The following PHF21A variants were observed in gnomAD, a reference collection of about 807,000 sequenced individuals.
The protein encoded by PHF21A is BHC80a.
In PHF21A, 11 loss-of-function variants were observed where a neutral mutation model predicts 82.5. That is an observed-to-expected ratio of 0.13 (90% CI 0.08 to 0.22). The LOEUF (loss-of-function observed/expected upper bound fraction) is 0.22, where lower values mean the gene tolerates loss of function less well. Ranked by LOEUF, PHF21A falls within the 10% of genes least tolerant of loss-of-function variation. The pLI is 1.00. For missense variants in PHF21A, 579 were observed against 837.8 expected (o/e 0.69, Z 3.81); for synonymous variants, 297 against 302.8 (o/e 0.98, Z 0.20).
At chr11:45,975,875 C>T (rs2093999544) in intron 7 of PHF21A, among the ~76,000 whole-genome samples, 1 of 152,092 alleles carries the variant, frequency 6.6e-6, no homozygotes, top group Admixed American at 6.5e-5. Context: ...TCCCCCTGGC[C>T]CCCCGATTGC....
chr11:46,023,268 T>C (rs757328685), intron 6 of PHF21A, among the ~76,000 whole-genome samples: 3 of 152,248 alleles, frequency 2.0e-5, no homozygotes, highest in Non-Finnish European at 4.4e-5. Context: ...GGCCGGGATC[T>C]GGCAGAGAGA....
chr11:46,030,830 C>CGTGTGTGTGTGCGTGTGTGTGCGTGT (rs2095850928), intron 6 of PHF21A, among the ~76,000 whole-genome samples: 1 of 142,212 alleles, frequency 7.0e-6, no homozygotes, highest in African/African-American at 2.6e-5. Context: ...CGTGTGTGTG[C>CGTGTGTGTGTGCGTGTGTGTGCGTGT]GTGTGTGTGT....
intron 3 of PHF21A, among the ~76,000 whole-genome samples, chr11:46,088,408 TAACAACAAC>T (rs3061959): frequency 3.3e-5 from 5 of 150,838 alleles, no homozygotes; most frequent in East Asian, 3.9e-4. Flanking sequence ...AACTTTCCAA[TAACAACAAC>T]AACAACAACA....
chr11:46,058,170 TG>T (rs2096486616), intron 6 of PHF21A, among the ~76,000 whole-genome samples: 1 of 152,056 alleles, frequency 6.6e-6, no homozygotes, highest in Non-Finnish European at 1.5e-5. Flanking sequence ...TGCCTTACCA[TG>T]GGGGTAAGAG....
intron 6 of PHF21A, among the ~76,000 whole-genome samples, chr11:46,067,355 T>C (rs2096606430): frequency 6.6e-6 from 1 of 152,024 alleles, no homozygotes; most frequent in South Asian, 2.1e-4. Context: ...AGTGAGAAAA[T>C]GAAGGGTTTT....
At chr11:45,969,682 CAACA>C (rs2093643269) in intron 9 of PHF21A, 129 bp downstream of exon 9, 6 of 631,518 alleles carry the variant, frequency 9.5e-6, no homozygotes, top group Non-Finnish European at 1.7e-5. Context: ...GTACAGAAAT[CAACA>C]GTCAGAATGT....
At chr11:46,071,179 C>T (rs2096652946) in intron 6 of PHF21A, among the ~76,000 whole-genome samples, 2 of 152,188 alleles carry the variant, frequency 1.3e-5, no homozygotes, top group African/African-American at 4.8e-5. Context: ...GTTAACAAAC[C>T]TGATGCCAGC....
At chr11:46,016,921 G>A (rs573674039) in intron 6 of PHF21A, among the ~76,000 whole-genome samples, 29 of 151,718 alleles carry the variant, frequency 1.9e-4, no homozygotes, top group Non-Finnish European at 3.8e-4. Context: ...GATGTGCCCT[G>A]ATGTGATGAA....
intron 6 of PHF21A, among the ~76,000 whole-genome samples, chr11:46,057,107 T>G (rs992702185): frequency 6.6e-6 from 1 of 152,030 alleles, no homozygotes; most frequent in African/African-American, 2.4e-5. Context: ...AATTGAGAGG[T>G]TTTTTTCCCC....
chr11:45,953,800 T>A (rs1591173674), intron 10 of PHF21A, among the ~76,000 whole-genome samples, 175 bp from the exon 11 acceptor site: 1 of 152,302 alleles, frequency 6.6e-6, no homozygotes, highest in East Asian at 1.9e-4. Context: ...AACTAAAATG[T>A]AAAGCCCCAG....
At chr11:46,023,820 G>A (rs1592131984) in intron 6 of PHF21A, among the ~76,000 whole-genome samples, 1 of 152,204 alleles carries the variant, frequency 6.6e-6, no homozygotes, top group African/African-American at 2.4e-5. Flanking sequence ...GCCAGGTGTG[G>A]TGGCGGGTGC....
At chr11:46,025,513 A>G (rs1424191719) in intron 6 of PHF21A, among the ~76,000 whole-genome samples, 2 of 152,210 alleles carry the variant, frequency 1.3e-5, no homozygotes, top group Admixed American at 6.5e-5. Flanking sequence ...ATAGCTCTGG[A>G]CTACAAAAGA....
At chr11:45,951,564 T>A (rs2092115132) in intron 11 of PHF21A, among the ~76,000 whole-genome samples, 2 of 152,242 alleles carry the variant, frequency 1.3e-5, no homozygotes, top group African/African-American at 4.8e-5. Flanking sequence ...ATACACTTTG[T>A]GGTTGCCAAC....
intron 5 of PHF21A, 125 bp downstream of exon 5, chr11:46,079,009 A>G: frequency 1.8e-6 from 1 of 569,344 alleles, no homozygotes; most frequent in Non-Finnish European, 3.1e-6. Flanking sequence ...ATTAAAAATA[A>G]TTGCTATTAG....
At chr11:46,040,195 G>C (rs1343077500) in intron 6 of PHF21A, among the ~76,000 whole-genome samples, 2 of 152,094 alleles carry the variant, frequency 1.3e-5, no homozygotes, top group Non-Finnish European at 2.9e-5. Flanking sequence ...TACTTTAGTG[G>C]GTAGAACATA....
intron 6 of PHF21A, among the ~76,000 whole-genome samples, chr11:46,054,489 G>T (rs982469141): frequency 6.6e-5 from 10 of 152,142 alleles, no homozygotes; most frequent in Non-Finnish European, 1.2e-4. Context: ...CATTCTCGAA[G>T]ATTCTGATTC....
At chr11:45,942,419 A>G (rs1009624701) in intron 15 of PHF21A, among the ~76,000 whole-genome samples, 5 of 152,218 alleles carry the variant, frequency 3.3e-5, no homozygotes, top group Non-Finnish European at 7.3e-5. Context: ...CCCTAGAGGG[A>G]GAGCTCTACC....
chr11:46,086,901 A>C (rs2096863587), intron 3 of PHF21A, among the ~76,000 whole-genome samples: 1 of 152,234 alleles, frequency 6.6e-6, no homozygotes, highest in Non-Finnish European at 1.5e-5. Flanking sequence ...TTGATAACAA[A>C]AATCTATGAA....
At chr11:46,105,953 C>CAAAT (rs1246451630) in intron 1 of PHF21A, among the ~76,000 whole-genome samples, 1 of 152,038 alleles carries the variant, frequency 6.6e-6, no homozygotes, top group Admixed American at 6.5e-5. Flanking sequence ...TTTAATTACA[C>CAAAT]AAATATAAGT....
Sources: gnomAD v4.1 joint callset for allele counts (sites outside exome capture counted in the v4.1 genomes callset) on GRCh38, gnomAD v4.1.1 for gene constraint, MANE v1.5 for transcripts, NCBI Gene and HGNC (gene_info 2026-07-23, HGNC 2026-07-21) for gene names.